Variants in MSRA observed in about 807,000 individuals in gnomAD.
MSRA encodes mitochondrial peptide methionine sulfoxide reductase.
MSRA carries 54 observed loss-of-function variants against 31.3 expected under a neutral mutation model. That is an observed-to-expected ratio of 1.73 (90% CI 1.39 to 2.17). The LOEUF (loss-of-function observed/expected upper bound fraction) is 2.17, where lower values mean the gene tolerates loss of function less well. Ranked by LOEUF, MSRA falls within the 30% of genes most tolerant of loss-of-function variation. MSRA has a pLI of 0.00. For synonymous variants in MSRA, 169 were observed against 116.5 expected, an observed-to-expected ratio of 1.45 and a Z score of -2.90; for missense variants, 507 against 300.9, an observed-to-expected ratio of 1.69 and a Z score of -5.07.
At chr8:10,140,968 A>C (rs557512186) in intron 1 of MSRA, among the ~76,000 whole-genome samples, 1 of 152,302 alleles carries the variant, frequency 6.6e-6, no homozygotes, top group South Asian at 2.1e-4. Flanking sequence ...CCTAAAGATG[A>C]ATATATGCAA....
intron 1 of MSRA, among the ~76,000 whole-genome samples, chr8:10,185,223 G>C (rs925919006): frequency 6.6e-6 from 1 of 152,148 alleles, no homozygotes; most frequent in Non-Finnish European, 1.5e-5. Flanking sequence ...TCTGCAAGGG[G>C]CATTTCATCA....
intron 5 of MSRA, among the ~76,000 whole-genome samples, chr8:10,397,840 C>A (rs1289601952): frequency 1.3e-5 from 2 of 152,056 alleles, no homozygotes; most frequent in African/African-American, 4.8e-5. Context: ...ACTTTTTATT[C>A]CTGTCATTCT....
At chr8:10,101,481 T>C (rs1044888529) in intron 1 of MSRA, among the ~76,000 whole-genome samples, 14 of 152,280 alleles carry the variant, frequency 9.2e-5, no homozygotes, top group African/African-American at 3.1e-4. Context: ...CAGAAGTCTT[T>C]TCATCTTGCA....
intron 1 of MSRA, among the ~76,000 whole-genome samples, chr8:10,178,576 T>A (rs866923789): frequency 6.6e-6 from 1 of 152,226 alleles, no homozygotes; most frequent in South Asian, 2.1e-4. Flanking sequence ...ATAATAGACA[T>A]ATTTTTGTGT....
At chr8:10,165,149 T>C (rs1396529034) in intron 1 of MSRA, among the ~76,000 whole-genome samples, 1 of 152,196 alleles carries the variant, frequency 6.6e-6, no homozygotes. Flanking sequence ...GCGGCCTAGG[T>C]TGAGAAGATC....
intron 2 of MSRA, among the ~76,000 whole-genome samples, chr8:10,229,580 G>A (rs1489031381): frequency 6.6e-6 from 1 of 152,202 alleles, no homozygotes; most frequent in Non-Finnish European, 1.5e-5. Context: ...TGTGGGGAGG[G>A]CAGAGGTGGT....
chr8:10,285,041 C>T (rs1799860843), intron 3 of MSRA, among the ~76,000 whole-genome samples: 5 of 143,480 alleles, frequency 3.5e-5, no homozygotes, highest in Admixed American at 2.8e-4. Context: ...AAAAAAAAAG[C>T]TGGAAAAATA....
At chr8:10,408,665 C>G (rs1807968615) in intron 5 of MSRA, among the ~76,000 whole-genome samples, 1 of 152,132 alleles carries the variant, frequency 6.6e-6, no homozygotes, top group African/African-American at 2.4e-5. Context: ...GAAGTCTGAG[C>G]TTTTTTAGTG....
At chr8:10,289,795 G>A (rs11778739) in intron 3 of MSRA, among the ~76,000 whole-genome samples, 101,374 of 152,022 alleles carry the variant, frequency 0.67, 33,772 homozygotes, top group Middle Eastern at 0.71. Flanking sequence ...AGAGAAACCT[G>A]TCTTTGCTTG....
intron 2 of MSRA, among the ~76,000 whole-genome samples, chr8:10,210,013 C>T (rs1809332506): frequency 6.6e-6 from 1 of 152,160 alleles, no homozygotes; most frequent in African/African-American, 2.4e-5. Context: ...ATATTAATGT[C>T]TTCAAGATGA....
intron 1 of MSRA, among the ~76,000 whole-genome samples, chr8:10,167,485 A>T (rs1254360161): frequency 6.6e-6 from 1 of 152,180 alleles, no homozygotes; most frequent in African/African-American, 2.4e-5. Flanking sequence ...CAGCAGTGCC[A>T]TGAGGGAGGC....
chr8:10,087,386 C>T (rs1798616554), intron 1 of MSRA, among the ~76,000 whole-genome samples: 1 of 152,172 alleles, frequency 6.6e-6, no homozygotes, highest in South Asian at 2.1e-4. Context: ...TCCATGATGG[C>T]AGGGGCTCCA....
At chr8:10,322,981 T>C (rs1802136446) in intron 5 of MSRA, among the ~76,000 whole-genome samples, 1 of 150,500 alleles carries the variant, frequency 6.6e-6, no homozygotes, top group South Asian at 2.1e-4. Flanking sequence ...TCCGAGCTAC[T>C]GAGGAGGCTG....
intron 1 of MSRA, among the ~76,000 whole-genome samples, chr8:10,196,100 C>G (rs530464384): frequency 5.3e-5 from 8 of 152,218 alleles, no homozygotes; most frequent in African/African-American, 1.9e-4. Flanking sequence ...CAGCTGCTCT[C>G]TGACAGCTGA....
intron 1 of MSRA, among the ~76,000 whole-genome samples, chr8:10,087,582 G>A (rs893372262): frequency 1.3e-5 from 2 of 152,204 alleles, no homozygotes; most frequent in Non-Finnish European, 2.9e-5. Flanking sequence ...TAGGGAAATG[G>A]TCCATAACTC....
chr8:10,086,884 G>C (rs1798585042), intron 1 of MSRA, among the ~76,000 whole-genome samples: 1 of 149,482 alleles, frequency 6.7e-6, no homozygotes, highest in Non-Finnish European at 1.5e-5. Flanking sequence ...GAGGGAGAGA[G>C]AGAGGGAGAG....
intron 1 of MSRA, among the ~76,000 whole-genome samples, chr8:10,074,403 G>A (rs1797894259): frequency 6.6e-6 from 1 of 151,948 alleles, no homozygotes; most frequent in African/African-American, 2.4e-5. Flanking sequence ...GTTTTAAAAT[G>A]TTTAGCTTTG....
chr8:10,348,668 C>CTGGCTTTTCTTTAGTAGAAGTTCAGTTCA (rs1803942344), intron 5 of MSRA, among the ~76,000 whole-genome samples: 1 of 152,072 alleles, frequency 6.6e-6, no homozygotes, highest in Admixed American at 6.6e-5. Context: ...ATGCCTGGCC[C>CTGGCTTTTCTTTAGTAGAAGTTCAGTTCA]TGGCTTTTCT....
At chr8:10,101,047 C>T (rs2128933228) in intron 1 of MSRA, among the ~76,000 whole-genome samples, 1 of 152,280 alleles carries the variant, frequency 6.6e-6, no homozygotes, top group East Asian at 1.9e-4. Context: ...GAGTGTTTCA[C>T]CTTAGCTGTA....
Sources: allele counts gnomAD v4.1 joint callset (sites outside exome capture counted in the v4.1 genomes callset), GRCh38; gene constraint gnomAD v4.1.1; transcripts MANE v1.5; gene names NCBI Gene and HGNC (gene_info 2026-07-23, HGNC 2026-07-21).